AGBL4: variants seen among roughly 807,000 people sequenced by gnomAD.
The protein encoded by AGBL4 is AGBL carboxypeptidase 4.
AGBL4 carries 58 observed loss-of-function variants against 66.4 expected under a neutral mutation model. The ratio of observed to expected loss-of-function variants is 0.87; its 90% confidence interval spans 0.71 to 1.09. The LOEUF (loss-of-function observed/expected upper bound fraction) is 1.09. AGBL4 is among the 50% of genes least tolerant of loss of function. The pLI, the probability that AGBL4 is intolerant of heterozygous loss-of-function variation, is 0.00. For missense variants in AGBL4, 579 were observed against 631.0 expected, an observed-to-expected ratio of 0.92 and a Z score of 0.88; for synonymous variants, 234 against 222.9, an observed-to-expected ratio of 1.05 and a Z score of -0.44.
intron 6 of AGBL4, among the ~76,000 whole-genome samples, chr1:48,741,830 C>T (rs905838516): frequency 9.2e-5 from 14 of 152,172 alleles, no homozygotes; most frequent in African/African-American, 3.4e-4. Flanking sequence ...TGGCAGAGAA[C>T]ATAACGCTAA....
At chr1:49,041,558 G>T (rs146903200) in intron 5 of AGBL4, among the ~76,000 whole-genome samples, 2,943 of 152,154 alleles carry the variant, frequency 0.019, 34 homozygotes, top group Admixed American at 0.028. Flanking sequence ...TAGAAACCAT[G>T]GTTTTAAATC....
At chr1:49,033,448 A>G (rs1322820427) in intron 5 of AGBL4, among the ~76,000 whole-genome samples, 2 of 152,168 alleles carry the variant, frequency 1.3e-5, no homozygotes, top group Non-Finnish European at 2.9e-5. Context: ...CAAGGCGGAA[A>G]AAGAAGAAAG....
At chr1:49,893,305 C>G (rs1648841685) in intron 1 of AGBL4, among the ~76,000 whole-genome samples, 1 of 152,180 alleles carries the variant, frequency 6.6e-6, no homozygotes, top group African/African-American at 2.4e-5. Context: ...ACCGATTGTT[C>G]TCTCCACAGG....
intron 4 of AGBL4, among the ~76,000 whole-genome samples, chr1:49,173,087 C>G (rs1330409433): frequency 6.6e-6 from 1 of 151,962 alleles, no homozygotes; most frequent in Admixed American, 6.6e-5. Flanking sequence ...CCATTGCCCT[C>G]CAGCCTGGGT....
At chr1:49,132,484 T>C (rs1471142951) in intron 4 of AGBL4, among the ~76,000 whole-genome samples, 1 of 152,086 alleles carries the variant, frequency 6.6e-6, no homozygotes, top group East Asian at 1.9e-4. Flanking sequence ...GAGAATTATA[T>C]TGATTATAAA....
At chr1:48,942,531 C>T (rs1478803101) in intron 5 of AGBL4, among the ~76,000 whole-genome samples, 1 of 152,192 alleles carries the variant, frequency 6.6e-6, no homozygotes, top group Non-Finnish European at 1.5e-5. Flanking sequence ...AGAACAATGT[C>T]TGGCATATAA....
rs189910667 is a variant in AGBL4 at position 48,971,327 on chromosome 1, G to C, written c.594+74257C>G. ...TGCTCGTTATGAGAATCCAATGCCTGATGATCTGAGGTAGAGCAGTTTTAT... is the reference window on the plus strand; with the variant it reads ...TGCTCGTTATGAGAATCCAATGCCTCATGATCTGAGGTAGAGCAGTTTTAT... On this transcript the variant is annotated intron_variant, in intron 5 of 13. Transcript: ENST00000371839. 3.3e-4 allele frequency among the ~76,000 whole-genome samples: 50 copies of C among 152,182 alleles called. 1 individual carries two copies. In the East Asian group the frequency reaches 8.3e-3, roughly 25 times the overall value.
At chr1:48,672,460 C>T (rs1646291970) in intron 6 of AGBL4, among the ~76,000 whole-genome samples, 1 of 152,226 alleles carries the variant, frequency 6.6e-6, no homozygotes, top group Non-Finnish European at 1.5e-5. Flanking sequence ...CTCGAGGAGC[C>T]AACACAACCA....
Position 49,241,227 on chromosome 1 carries a change from A to G in AGBL4, c.377+4543T>C, listed in dbSNP as rs560096085. ...GCCAATCTGATCATGTCCTGCCCCCATTTAATCATTTTAATTTATTTCCAT... is the reference window on the plus strand; with the variant it reads ...GCCAATCTGATCATGTCCTGCCCCCGTTTAATCATTTTAATTTATTTCCAT... On this transcript the variant is annotated intron_variant, in intron 4 of 13. Coordinates refer to ENST00000371839, the MANE Select transcript of AGBL4 (RefSeq NM_032785.4). 1.6e-3 allele frequency among the ~76,000 whole-genome samples: 241 copies of G among 152,134 alleles called. 4 individuals carry two copies. Among genetic ancestry groups the G allele is most frequent in the African/African-American group, 5.6e-3 (234 of 41,534 alleles).
intron 3 of AGBL4, among the ~76,000 whole-genome samples, chr1:49,535,232 T>C (rs146917118): frequency 6.6e-6 from 1 of 151,764 alleles, no homozygotes; most frequent in Non-Finnish European, 1.5e-5. Context: ...GGAAAGGATA[T>C]ATTAGTCAAT....
intron 3 of AGBL4, among the ~76,000 whole-genome samples, chr1:49,617,392 T>C (rs1645270067): frequency 6.6e-6 from 1 of 152,298 alleles, no homozygotes; most frequent in Non-Finnish European, 1.5e-5. Flanking sequence ...TACCCTCTAG[T>C]CCTCTTACTG....
At chr1:48,745,410 A>G (rs1650580717) in intron 6 of AGBL4, among the ~76,000 whole-genome samples, 1 of 152,190 alleles carries the variant, frequency 6.6e-6, no homozygotes, top group South Asian at 2.1e-4. Context: ...GGGCTCTGCT[A>G]TCACACTGTC....
At chr1:48,595,071 A>G (rs943115500) in intron 9 of AGBL4, among the ~76,000 whole-genome samples, 1 of 152,208 alleles carries the variant, frequency 6.6e-6, no homozygotes, top group African/African-American at 2.4e-5. Context: ...TGTTTATTAT[A>G]GAAGCTAATA....
intron 6 of AGBL4, among the ~76,000 whole-genome samples, chr1:48,836,203 G>C (rs17104956): frequency 0.037 from 5,506 of 150,560 alleles, 329 homozygotes; most frequent in African/African-American, 0.12. Context: ...ATATGTCTTG[G>C]TTCTGTTACA....
At chr1:49,895,959 G>A (rs545668944) in intron 1 of AGBL4, among the ~76,000 whole-genome samples, 35 of 135,244 alleles carry the variant, frequency 2.6e-4, no homozygotes, top group African/African-American at 8.8e-4. Context: ...AAAAAAAAAC[G>A]AGATCCAACT....
chr1:48,586,111 C>T (rs188765935), intron 11 of AGBL4: 26 of 152,318 alleles, frequency 1.7e-4, no homozygotes, highest in Non-Finnish European at 2.1e-4. Flanking sequence ...GAATCTGCCA[C>T]GATCTGTTAC....
intron 3 of AGBL4, among the ~76,000 whole-genome samples, chr1:49,489,416 T>G (rs945198435): frequency 5.9e-5 from 9 of 151,924 alleles, no homozygotes; most frequent in African/African-American, 2.2e-4. Context: ...TTTCCCTGCT[T>G]ATATATTCTG....
rs201540858 is a variant in AGBL4, at chr1:49,895,921, CAG to C, written c.35-44405_35-44404del. Reference sequence around the variant, plus strand: ...TATACTAAACTCCTCAATGAAAAGACAGAGAGTGGCTGAATGGGGTAAAAAAA... The same window carrying C: ...TATACTAAACTCCTCAATGAAAAGACAGAGTGGCTGAATGGGGTAAAAAAA... On this transcript the variant is annotated intron_variant, in intron 1 of 13. Coordinates refer to ENST00000371839, the MANE Select transcript of AGBL4 (RefSeq NM_032785.4). Among the ~76,000 whole-genome samples, 236 of 138,598 alleles carry C rather than the reference CAG, an allele frequency of 1.7e-3. 8 individuals are homozygous for C. The East Asian group carries it at 0.039, about 23-fold the overall frequency. The allele number at this position is 138,598 out of a possible 152,430, so 90.9% of individuals were successfully genotyped here.
rs114428167 is a variant in AGBL4 at position 48,820,913 on chromosome 1, C to A, written c.634+46278G>T. On this transcript the variant is annotated intron_variant, in intron 6 of 13. Transcript: ENST00000371839. ...TCAAACAATTCAACAAGAAAAAAAA[C>A]CAAACAATCCCATTAAAAAGTGGAC... 3.2e-3 allele frequency among the ~76,000 whole-genome samples: 479 copies of A among 152,008 alleles called. 2 individuals carry two copies. The highest frequency in any genetic ancestry group is 7.2e-3 in the African/African-American group (297 of 41,492).
Sources: gnomAD v4.1 joint callset for allele counts (sites outside exome capture counted in the v4.1 genomes callset) on GRCh38, gnomAD v4.1.1 for gene constraint, MANE v1.5 for transcripts, NCBI Gene and HGNC (gene_info 2026-07-23, HGNC 2026-07-21) for gene names.